The following FNIP1 variants were observed in gnomAD, a reference collection of about 807,000 sequenced individuals.
FNIP1 encodes the protein folliculin interacting protein 1.
A neutral mutation model predicts 124.5 loss-of-function variants in FNIP1; 40 were observed. The ratio of observed to expected loss-of-function variants is 0.32; its 90% CI spans 0.25 to 0.42. The LOEUF (loss-of-function observed/expected upper bound fraction) is 0.42, where lower values mean the gene tolerates loss of function less well. Ranked by LOEUF, FNIP1 falls within the 10% of genes least tolerant of loss-of-function variation. The pLI, the probability that FNIP1 is intolerant of heterozygous loss-of-function variation, is 1.00. For synonymous variants in FNIP1, 472 were observed against 470.6 expected, an observed-to-expected ratio of 1.00 and a Z score of -0.04; for missense variants, 1,176 against 1,403.7, an observed-to-expected ratio of 0.84 and a Z score of 2.59.
intron 12 of FNIP1, 41 bp from the exon 13 acceptor site, chr5:131,677,913 C>T: frequency 1.3e-6 from 2 of 1,581,394 alleles, no homozygotes; most frequent in Non-Finnish European, 1.7e-6. Flanking sequence ...AATCAGTCTT[C>T]ATGAAACCTT....
chr5:131,748,558 G>T (rs904395562), intron 1 of FNIP1, among the ~76,000 whole-genome samples: 1 of 151,648 alleles, frequency 6.6e-6, no homozygotes, highest in East Asian at 1.9e-4. Context: ...TTAGCCAGGC[G>T]TGGTGGCATG....
chr5:131,748,451 T>G (rs575134583), intron 1 of FNIP1, among the ~76,000 whole-genome samples: 1 of 152,200 alleles, frequency 6.6e-6, no homozygotes, highest in African/African-American at 2.4e-5. Flanking sequence ...CCCAGCACTT[T>G]GGGAGGCTGA....
chr5:131,650,747 T>A (rs184217251), intron 16 of FNIP1, among the ~76,000 whole-genome samples: 57 of 152,346 alleles, frequency 3.7e-4, no homozygotes, highest in Non-Finnish European at 6.8e-4. Flanking sequence ...ATGTTGGCTA[T>A]GGGTTTGTCA....
At chr5:131,775,166 T>G (rs1032125733) in intron 1 of FNIP1, among the ~76,000 whole-genome samples, 1 of 152,224 alleles carries the variant, frequency 6.6e-6, no homozygotes, top group South Asian at 2.1e-4. Flanking sequence ...TTGTTTAGTA[T>G]CTAGTTTCCA....
intron 15 of FNIP1, among the ~76,000 whole-genome samples, chr5:131,659,481 T>C (rs894760609): frequency 6.6e-6 from 1 of 152,180 alleles, no homozygotes; most frequent in African/African-American, 2.4e-5. Flanking sequence ...AGCTTCTCCT[T>C]GATGTCACAC....
intron 1 of FNIP1, among the ~76,000 whole-genome samples, chr5:131,775,289 T>A (rs1771763569): frequency 6.6e-6 from 1 of 152,178 alleles, no homozygotes; most frequent in Non-Finnish European, 1.5e-5. Flanking sequence ...TTATTTATTG[T>A]GTATGCTATG....
At chr5:131,649,928 T>G (rs780719621) in intron 16 of FNIP1, among the ~76,000 whole-genome samples, 1 of 152,196 alleles carries the variant, frequency 6.6e-6, no homozygotes, top group Non-Finnish European at 1.5e-5. Flanking sequence ...TCAACTAAAC[T>G]TATATGTGAG....
At chr5:131,771,709 C>A (rs1771639970) in intron 1 of FNIP1, among the ~76,000 whole-genome samples, 1 of 152,116 alleles carries the variant, frequency 6.6e-6, no homozygotes. Context: ...AGAGTTGATC[C>A]ATCCCTTCTA....
At chr5:131,759,814 A>G (rs1022960546) in intron 1 of FNIP1, among the ~76,000 whole-genome samples, 2 of 152,226 alleles carry the variant, frequency 1.3e-5, no homozygotes, top group Non-Finnish European at 2.9e-5. Context: ...ACTATTTATG[A>G]TAACAAAGAC....
At chr5:131,724,840 C>T (rs563017609) in intron 3 of FNIP1, among the ~76,000 whole-genome samples, 9 of 152,232 alleles carry the variant, frequency 5.9e-5, no homozygotes, top group Non-Finnish European at 8.8e-5. Flanking sequence ...TTAGGTCTTA[C>T]GTTTAAGTCT....
At chr5:131,750,567 T>C (rs1454289591) in intron 1 of FNIP1, among the ~76,000 whole-genome samples, 14 of 151,000 alleles carry the variant, frequency 9.3e-5, no homozygotes, top group Admixed American at 9.3e-4. Context: ...TAGAAGGTGG[T>C]AGTGAGAGAA....
At chr5:131,755,546 C>T (rs2149568538) in intron 1 of FNIP1, among the ~76,000 whole-genome samples, 1 of 151,684 alleles carries the variant, frequency 6.6e-6, no homozygotes, top group South Asian at 2.1e-4. Flanking sequence ...TCAGGCAGAA[C>T]ATATTAATTG....
intron 2 of FNIP1, among the ~76,000 whole-genome samples, chr5:131,736,521 T>TGTTA (rs1465124887): frequency 2.0e-5 from 3 of 152,318 alleles, no homozygotes; most frequent in South Asian, 2.1e-4. Context: ...GTCCATGGCC[T>TGTTA]GTTAGGAACC....
intron 2 of FNIP1, among the ~76,000 whole-genome samples, chr5:131,738,576 T>C (rs937838244): frequency 2.0e-5 from 3 of 152,286 alleles, no homozygotes; most frequent in Middle Eastern, 3.4e-3. Context: ...CTTGGCTCAC[T>C]GTAGCCACCG....
chr5:131,692,863 C>G (rs533803846), intron 11 of FNIP1, among the ~76,000 whole-genome samples: 1 of 151,822 alleles, frequency 6.6e-6, no homozygotes, highest in East Asian at 1.9e-4. Flanking sequence ...CAAAAATTAG[C>G]CAAGTGTGGA....
In FNIP1 at chr5:131,661,220, T is replaced by TGTGTGTGTGTGTGTG. The variant is rs1554092139; in HGVS notation, c.3109-9222_3109-9221insCACACACACACACAC. Among the ~76,000 whole-genome samples the TGTGTGTGTGTGTGTG allele has an allele frequency of 3.6e-3, 534 of 147,736 alleles. 5 individuals carry two copies. Among genetic ancestry groups the TGTGTGTGTGTGTGTG allele is most frequent in the Middle Eastern group, 0.011 (3 of 284 alleles). On this transcript the variant is annotated intron_variant, in intron 15 of 17. Transcript: ENST00000510461. Reference sequence around the variant, plus strand: ...ACCTTCTGTCCGTCTTGTCTTTGTTTTGTGTGTGTGTGTGTGTGTGTGTGT... The same window carrying TGTGTGTGTGTGTGTG: ...ACCTTCTGTCCGTCTTGTCTTTGTTTGTGTGTGTGTGTGTGTGTGTGTGTGTGTGTGTGTGTGTGT...
intron 2 of FNIP1, among the ~76,000 whole-genome samples, chr5:131,741,617 A>C (rs2149558499): frequency 6.6e-6 from 1 of 152,330 alleles, no homozygotes; most frequent in South Asian, 2.1e-4. Context: ...AAATGGATCA[A>C]TATTCCACTG....
At chr5:131,792,345 G>C (rs1580844870) in intron 1 of FNIP1, among the ~76,000 whole-genome samples, 2 of 152,176 alleles carry the variant, frequency 1.3e-5, no homozygotes, top group East Asian at 3.9e-4. Context: ...ATTTTTAGTA[G>C]AGATGGGGTT....
chr5:131,679,193 C>T lies in FNIP1; in HGVS notation c.1203-18G>A, dbSNP rs776698229. Reference sequence around the variant, plus strand: ...TTGTTGTTCTAAAAAGAGGAAGACACATTATGAAATGTATAGTTCCAAGAG... The same window carrying T: ...TTGTTGTTCTAAAAAGAGGAAGACATATTATGAAATGTATAGTTCCAAGAG... On this transcript the variant is annotated intron_variant, in intron 11 of 17. Transcript: ENST00000510461. The T allele has an allele frequency of 1.7e-5, 25 of 1,452,696 alleles. No homozygotes were observed. The highest frequency in any genetic ancestry group is 2.0e-5 in the Non-Finnish European group (21 of 1,037,512). 90.0% of individuals were successfully genotyped at this position (1,452,696 alleles called of 1,614,324 possible).
Sources: allele counts gnomAD v4.1 joint callset (sites outside exome capture counted in the v4.1 genomes callset), GRCh38; gene constraint gnomAD v4.1.1; transcripts MANE v1.5; gene names NCBI Gene and HGNC (gene_info 2026-07-23, HGNC 2026-07-21).